MRPL45: variants seen among roughly 807,000 people sequenced by gnomAD.
MRPL45 encodes the protein mitochondrial ribosomal protein L45, also known as large ribosomal subunit protein mL45.
In MRPL45, 20 loss-of-function variants were observed where a neutral mutation model predicts 38.1. The observed-to-expected ratio is 0.53, with a 90% CI of 0.37 to 0.76. MRPL45 has a LOEUF of 0.76. Ranked by LOEUF, MRPL45 falls within the 30% of genes least tolerant of loss-of-function variation. The pLI, the probability that MRPL45 is intolerant of heterozygous loss-of-function variation, is 0.00. For synonymous variants in MRPL45, 105 were observed against 128.8 expected (o/e 0.82, Z 1.25); for missense variants, 337 against 395.6 (o/e 0.85, Z 1.26).
intron 4 of MRPL45, among the ~76,000 whole-genome samples, chr17:38,314,395 C>T (rs571430316): frequency 5.3e-5 from 8 of 152,314 alleles, no homozygotes; most frequent in South Asian, 4.1e-4. Context: ...TGAGCCACTG[C>T]GCCTGCCGTC....
intron 4 of MRPL45, among the ~76,000 whole-genome samples, chr17:38,308,250 A>G (rs2037073873): frequency 6.6e-6 from 1 of 151,076 alleles, no homozygotes; most frequent in Non-Finnish European, 1.5e-5. Flanking sequence ...CCTCCCAAGT[A>G]ACTGCATGCC....
intron 4 of MRPL45, among the ~76,000 whole-genome samples, chr17:38,313,559 G>A (rs2037146455): frequency 6.7e-6 from 1 of 150,318 alleles, no homozygotes; most frequent in Non-Finnish European, 1.5e-5. Flanking sequence ...TGGGTGTGAA[G>A]TGTAGTATCT....
intron 3 of MRPL45, among the ~76,000 whole-genome samples, 165 bp downstream of exon 3, chr17:38,299,633 G>A (rs1412972369): frequency 1.3e-5 from 2 of 150,940 alleles, no homozygotes; most frequent in African/African-American, 2.4e-5. Context: ...GCAGAATAAT[G>A]TGGGCTTCCT....
intron 4 of MRPL45, among the ~76,000 whole-genome samples, chr17:38,314,138 C>T (rs148113018): frequency 3.8e-4 from 58 of 151,972 alleles, no homozygotes; most frequent in African/African-American, 1.4e-3. Flanking sequence ...GAGTTTTGCT[C>T]TTGAAGCCCA....
chr17:38,321,058 C>T (rs1451625733), intron 6 of MRPL45, among the ~76,000 whole-genome samples: 1 of 152,060 alleles, frequency 6.6e-6, no homozygotes, highest in Non-Finnish European at 1.5e-5. Flanking sequence ...CTCACTGCAG[C>T]CTCAACCTCC....
rs2037221060 is a variant in MRPL45, at chr17:38,320,715, T to C, written c.608T>C (p.Met203Thr). Residue 203 changes from methionine to threonine, a missense_variant, in exon 6 of 8, where the codon ATG becomes ACG. Physicochemically the swap from Met to Thr is moderately conservative, Grantham distance 81 (BLOSUM62 -1). Coordinates refer to ENST00000613675, the MANE Select transcript of MRPL45 (RefSeq NM_032351.6). ...HVVQVRCSSM[M>T]NQGNVYGQIT... Reference sequence around the variant, plus strand: ...GTTCAAGTTCGCTGTTCAAGTATGATGAACCAGGGCAACGTGTACGGCCAG... The same window carrying C: ...GTTCAAGTTCGCTGTTCAAGTATGACGAACCAGGGCAACGTGTACGGCCAG... 6.2e-7 allele frequency: 1 copy of C among 1,614,186 alleles called. No individual in the cohort carries two copies. Among genetic ancestry groups the C allele is most frequent in the Non-Finnish European group, 8.5e-7 (1 of 1,180,024 alleles).
intron 4 of MRPL45, among the ~76,000 whole-genome samples, chr17:38,316,006 C>T (rs1392280251): frequency 6.6e-6 from 1 of 152,108 alleles, no homozygotes; most frequent in Non-Finnish European, 1.5e-5. Context: ...AACTCCTGAC[C>T]TCAGGTGATC....
intron 4 of MRPL45, 64 bp downstream of exon 4, chr17:38,306,695 T>A: frequency 1.3e-6 from 2 of 1,595,468 alleles, no homozygotes; most frequent in Non-Finnish European, 8.5e-7. Context: ...TTAGGCACAG[T>A]TTTTTTGTTT....
At chr17:38,318,540 T>G (rs2037197149) in intron 4 of MRPL45, 147 bp from the exon 5 acceptor site, 5 of 506,782 alleles carry the variant, frequency 9.9e-6, no homozygotes, top group Non-Finnish European at 1.8e-5. Flanking sequence ...GCCCCTAGAA[T>G]TTAGCATATT....
chr17:38,310,328 G>GT (rs2037099303), intron 4 of MRPL45, among the ~76,000 whole-genome samples: 1 of 146,184 alleles, frequency 6.8e-6, no homozygotes, highest in African/African-American at 2.5e-5. Flanking sequence ...TTTTGTTTTT[G>GT]TTTTTGTTTT....
Position 38,317,665 on chromosome 17 carries a change from G to A in MRPL45, c.462-1022G>A, listed in dbSNP as rs182364004. Among the ~76,000 whole-genome samples, 122 of 151,896 alleles carry A rather than the reference G, an allele frequency of 8.0e-4. 1 individual carries two copies. The highest frequency in any genetic ancestry group is 2.9e-3 in the African/African-American group (119 of 41,466). On this transcript the variant is annotated intron_variant, in intron 4 of 7. Transcript: ENST00000613675. ...CAGCTCACCGCAACCTCCGCCTCCCGGGTTCATGCCATTCTCCTGCCTTAG... is the reference window on the plus strand; with the variant it reads ...CAGCTCACCGCAACCTCCGCCTCCCAGGTTCATGCCATTCTCCTGCCTTAG...
chr17:38,319,830 C>T (rs1364765605), intron 5 of MRPL45, among the ~76,000 whole-genome samples: 3 of 152,120 alleles, frequency 2.0e-5, no homozygotes, highest in African/African-American at 4.8e-5. Context: ...GGGCCGGGTG[C>T]GGTGGCTCAC....
intron 6 of MRPL45, among the ~76,000 whole-genome samples, chr17:38,321,825 G>C (rs996174468): frequency 6.6e-6 from 1 of 152,112 alleles, no homozygotes; most frequent in African/African-American, 2.4e-5. Flanking sequence ...GAGGTCAGGA[G>C]TTGGACAGCT....
At chr17:38,302,972 C>A (rs1226601997) in intron 3 of MRPL45, among the ~76,000 whole-genome samples, 3 of 150,904 alleles carry the variant, frequency 2.0e-5, no homozygotes, top group Non-Finnish European at 4.4e-5. Context: ...ACCTTCCTGA[C>A]CTCCCAAAGT....
chr17:38,306,576 G>T lies in MRPL45; in HGVS notation c.406G>T (p.Asp136Tyr), dbSNP rs549458356. ...CTATGATGCCAACTTTAAAATAAAGGACTTCCCTGAAAAAGCTAAGGATAT... is the reference window on the plus strand; with the variant it reads ...CTATGATGCCAACTTTAAAATAAAGTACTTCCCTGAAAAAGCTAAGGATAT... Reference protein sequence around the residue: ...KDYDANFKIKDFPEKAKDIFI... With the variant: ...KDYDANFKIKYFPEKAKDIFI... The change falls in exon 4 of 8, where the codon GAC becomes TAC. Residue 136 changes from aspartate (D) to tyrosine (Y), a missense_variant. Asp to Tyr is a radical substitution (Grantham distance 160). Transcript: ENST00000613675. 6.2e-7 allele frequency: 1 copy of T among 1,610,116 alleles called. No individual in the cohort carries two copies. The highest frequency in any genetic ancestry group is 8.5e-7 in the Non-Finnish European group (1 of 1,178,876).
intron 3 of MRPL45, among the ~76,000 whole-genome samples, chr17:38,306,120 C>A (rs1053018813): frequency 1.3e-5 from 2 of 151,444 alleles, no homozygotes; most frequent in Non-Finnish European, 2.9e-5. Flanking sequence ...ATTAAAAAAT[C>A]AATTATTGGC....
chr17:38,310,727 G>C (rs984673740), intron 4 of MRPL45, among the ~76,000 whole-genome samples: 1 of 152,118 alleles, frequency 6.6e-6, no homozygotes, highest in Non-Finnish European at 1.5e-5. Flanking sequence ...CCAAGCTCAA[G>C]TGATCCTCCC....
intron 6 of MRPL45, 30 bp downstream of exon 6, chr17:38,320,797 C>T (rs1567719268): frequency 6.2e-7 from 1 of 1,611,026 alleles, no homozygotes; most frequent in Non-Finnish European, 8.5e-7. Flanking sequence ...TTCCTCCCAG[C>T]TTTTTTTCAC....
chr17:38,315,380 G>A (rs757342109), intron 4 of MRPL45, among the ~76,000 whole-genome samples: 5 of 151,906 alleles, frequency 3.3e-5, no homozygotes, highest in Non-Finnish European at 5.9e-5. Flanking sequence ...CTCAGCCCCT[G>A]AGTAGCTGGG....
Sources: gnomAD v4.1 joint callset for allele counts (sites outside exome capture counted in the v4.1 genomes callset) on GRCh38, gnomAD v4.1.1 for gene constraint, MANE v1.5 for transcripts, NCBI Gene and HGNC (gene_info 2026-07-23, HGNC 2026-07-21) for gene names.